The following EXOC6 variants were observed in gnomAD, a reference collection of about 807,000 sequenced individuals.
The protein encoded by EXOC6 is exocyst complex component 6.
Under a neutral mutation model 112.5 loss-of-function variants are expected in EXOC6, and 60 were observed. That is an observed-to-expected ratio of 0.53 (90% CI 0.43 to 0.66). EXOC6 has a LOEUF of 0.66. EXOC6 is among the 30% of genes least tolerant of loss of function. EXOC6 has a pLI of 0.00. For missense variants in EXOC6, 855 were observed against 957.1 expected, an observed-to-expected ratio of 0.89 and a Z score of 1.41; for synonymous variants, 295 against 308.0, an observed-to-expected ratio of 0.96 and a Z score of 0.44.
chr10:92,987,930 T>G (rs1273973044), intron 18 of EXOC6, among the ~76,000 whole-genome samples: 2 of 152,184 alleles, frequency 1.3e-5, no homozygotes, highest in African/African-American at 4.8e-5. Context: ...ATCTGTAAAA[T>G]GAGGTATGTG....
At chr10:93,011,737 C>G (rs571508949) in intron 19 of EXOC6, among the ~76,000 whole-genome samples, 1 of 152,104 alleles carries the variant, frequency 6.6e-6, no homozygotes, top group East Asian at 1.9e-4. Flanking sequence ...ACTCAGCTAC[C>G]TAGGCCATTT....
intron 19 of EXOC6, among the ~76,000 whole-genome samples, chr10:93,007,334 G>A (rs1394963152): frequency 6.6e-6 from 1 of 151,578 alleles, no homozygotes; most frequent in African/African-American, 2.4e-5. Context: ...TTGCCTACAG[G>A]TATTCTTTGT....
chr10:92,940,031 T>C (rs987379683), intron 12 of EXOC6, among the ~76,000 whole-genome samples: 4 of 152,128 alleles, frequency 2.6e-5, no homozygotes, highest in South Asian at 2.1e-4. Flanking sequence ...GGAAACAATT[T>C]AGCATGTTTA....
At chr10:92,845,798 C>T (rs1847030402), upstream of EXOC6, among the ~76,000 whole-genome samples, 1 of 150,280 alleles carries the variant, frequency 6.7e-6, no homozygotes, top group Non-Finnish European at 1.5e-5. Context: ...ATTAGCTGGG[C>T]GTGGTGGCAC....
intron 19 of EXOC6, among the ~76,000 whole-genome samples, chr10:93,007,089 C>A (rs1167611256): frequency 6.6e-6 from 1 of 151,862 alleles, no homozygotes; most frequent in East Asian, 1.9e-4. Flanking sequence ...ATAAAGATAA[C>A]TGTCTGCCTA....
intron 1 of EXOC6, among the ~76,000 whole-genome samples, chr10:92,870,712 T>C (rs1003228689): frequency 9.3e-5 from 14 of 150,776 alleles, no homozygotes; most frequent in Admixed American, 5.3e-4. Flanking sequence ...GTAGGTGTTA[T>C]CTTTTTTTTT....
At chr10:92,854,710 A>G (rs1847515902) in intron 1 of EXOC6, among the ~76,000 whole-genome samples, 1 of 152,248 alleles carries the variant, frequency 6.6e-6, no homozygotes, top group East Asian at 1.9e-4. Flanking sequence ...CCATTTGATC[A>G]TAGTGCATAA....
intron 20 of EXOC6, among the ~76,000 whole-genome samples, chr10:93,048,698 G>C (rs935187713): frequency 6.7e-6 from 1 of 149,888 alleles, no homozygotes; most frequent in Non-Finnish European, 1.5e-5. Flanking sequence ...AGAGGTTGCA[G>C]TGAGCCAAGA....
intron 18 of EXOC6, among the ~76,000 whole-genome samples, chr10:92,982,661 G>A (rs549933344): frequency 1.3e-5 from 2 of 152,262 alleles, no homozygotes; most frequent in East Asian, 3.9e-4. Flanking sequence ...AACTATTATA[G>A]TAGAAACTTC....
intron 8 of EXOC6, among the ~76,000 whole-genome samples, chr10:92,927,423 A>G (rs1851782527): frequency 6.6e-6 from 1 of 152,246 alleles, no homozygotes; most frequent in Admixed American, 6.5e-5. Flanking sequence ...GTGATGAGCT[A>G]GATGGAATGT....
At chr10:92,865,262 G>A (rs114634549) in intron 1 of EXOC6, among the ~76,000 whole-genome samples, 2,176 of 152,100 alleles carry the variant, frequency 0.014, 51 homozygotes, top group African/African-American at 0.05. Context: ...AGCTGGGCAC[G>A]GTGGCTCACG....
intron 15 of EXOC6, among the ~76,000 whole-genome samples, chr10:92,954,008 C>T (rs184740647): frequency 2.8e-4 from 43 of 152,178 alleles, no homozygotes; most frequent in Non-Finnish European, 4.6e-4. Context: ...GGGCTGGGCG[C>T]GGTGCCTGAC....
At chr10:93,046,599 CTT>C (rs557988271) in intron 20 of EXOC6, among the ~76,000 whole-genome samples, 12 of 142,700 alleles carry the variant, frequency 8.4e-5, no homozygotes, top group South Asian at 2.3e-4. Context: ...TCATGGTTTC[CTT>C]TTTTTTTTTT....
chr10:92,899,680 AT>A, intron 5 of EXOC6, 36 bp downstream of exon 5: 1 of 1,460,098 alleles, frequency 6.8e-7, no homozygotes, highest in Non-Finnish European at 9.5e-7. Context: ...TTAAATAAGA[AT>A]TTTTTTCTAT....
chr10:92,993,006 G>A (rs1432381207), intron 18 of EXOC6, among the ~76,000 whole-genome samples: 1 of 141,122 alleles, frequency 7.1e-6, no homozygotes, highest in South Asian at 2.7e-4. Context: ...AATTTATGTA[G>A]CAAATGATGA....
At chr10:92,854,384 C>T (rs1050100589) in intron 1 of EXOC6, among the ~76,000 whole-genome samples, 5 of 151,284 alleles carry the variant, frequency 3.3e-5, no homozygotes, top group East Asian at 1.9e-4. Context: ...ATGCATGAGC[C>T]GAGATTGTGC....
chr10:92,956,853 TTATC>T (rs1042353439), intron 17 of EXOC6, among the ~76,000 whole-genome samples: 44 of 152,122 alleles, frequency 2.9e-4, no homozygotes, highest in African/African-American at 9.7e-4. Context: ...CCAGGTTTCT[TTATC>T]TATAAAATTA....
At chr10:92,968,244 G>A (rs61862330) in intron 17 of EXOC6, among the ~76,000 whole-genome samples, 1,698 of 149,052 alleles carry the variant, frequency 0.011, 19 homozygotes, top group Non-Finnish European at 0.017. Context: ...CAGTGCAGTG[G>A]TGCAATCGTA....
intron 14 of EXOC6, among the ~76,000 whole-genome samples, chr10:92,950,759 A>T (rs541628810): frequency 2.0e-5 from 3 of 152,248 alleles, no homozygotes; most frequent in Non-Finnish European, 4.4e-5. Context: ...ATGGGAAGCC[A>T]TGAAAGAATT....
Sources: allele counts gnomAD v4.1 joint callset (sites outside exome capture counted in the v4.1 genomes callset), GRCh38; gene constraint gnomAD v4.1.1; transcripts MANE v1.5; gene names NCBI Gene and HGNC (gene_info 2026-07-23, HGNC 2026-07-21).